The following BCO1 variants were observed in gnomAD, a reference collection of about 807,000 sequenced individuals.
BCO1 encodes beta-carotene oxygenase 1, also known as beta,beta-carotene 15,15'-dioxygenase.
A neutral mutation model predicts 56.3 loss-of-function variants in BCO1; 54 were observed. The ratio of observed to expected loss-of-function variants is 0.96; its 90% CI spans 0.77 to 1.20. The LOEUF is 1.20. Among genes scored for constraint, BCO1 ranks in the 50% most tolerant of loss-of-function variants. The probability of loss-of-function intolerance (pLI) is 0.00; values close to 1 mark genes in which losing one functional copy is unlikely to be tolerated. For synonymous variants in BCO1, 318 were observed against 266.1 expected, an observed-to-expected ratio of 1.20 and a Z score of -1.90; for missense variants, 801 against 690.9, an observed-to-expected ratio of 1.16 and a Z score of -1.79.
chr16:81,255,779 A>T (rs1906095207), intron 2 of BCO1, among the ~76,000 whole-genome samples: 1 of 151,098 alleles, frequency 6.6e-6, no homozygotes, highest in South Asian at 2.1e-4. Flanking sequence ...TGCTGGGATT[A>T]TAGGAGTGAG....
intron 9 of BCO1, among the ~76,000 whole-genome samples, chr16:81,286,383 C>G (rs1908181274): frequency 2.0e-5 from 3 of 152,160 alleles, no homozygotes; most frequent in Admixed American, 2.0e-4. Flanking sequence ...CCCCAAGCCA[C>G]TCTCCACTAA....
intron 10 of BCO1, 67 bp downstream of exon 10, chr16:81,287,473 C>A: frequency 7.9e-7 from 1 of 1,262,068 alleles, no homozygotes; most frequent in South Asian, 1.2e-5. Flanking sequence ...ACAGAGACAC[C>A]ATCTGGGGGC....
intron 2 of BCO1, among the ~76,000 whole-genome samples, chr16:81,258,273 C>T (rs554988237): frequency 3.2e-4 from 49 of 152,286 alleles, no homozygotes; most frequent in South Asian, 1.4e-3. Flanking sequence ...AAAACTAACA[C>T]GGGTCTAGAA....
chr16:81,241,955 T>G (rs1484309069), intron 1 of BCO1, among the ~76,000 whole-genome samples: 1 of 152,198 alleles, frequency 6.6e-6, no homozygotes, highest in East Asian at 1.9e-4. Flanking sequence ...GTTTGATGAA[T>G]GTAGCCTGGC....
intron 1 of BCO1, among the ~76,000 whole-genome samples, chr16:81,239,892 G>A (rs916866938): frequency 2.0e-5 from 3 of 152,138 alleles, no homozygotes; most frequent in Admixed American, 6.6e-5. Context: ...CGGGTCCCCA[G>A]AGTGGTGCTC....
At position 81,245,656 on chromosome 16, in the gene BCO1, C is replaced by G. The variant is rs1251875523; in HGVS notation, c.193+53C>G. 1.9e-6 allele frequency: 3 copies of G among 1,610,868 alleles called. No individual in the cohort carries two copies. The African/African-American group carries it at 4.0e-5, about 22-fold the overall frequency. On this transcript the variant is annotated intron_variant, in intron 2 of 10. Coordinates refer to ENST00000258168, the MANE Select transcript of BCO1 (RefSeq NM_017429.3). ...CTGCTGCAGCAAAGGACCCCAAATG[C>G]AGTGCCTTAAAACAGCACAAATTTA...
At chr16:81,242,601 C>G (rs1269973269) in intron 1 of BCO1, among the ~76,000 whole-genome samples, 1 of 152,130 alleles carries the variant, frequency 6.6e-6, no homozygotes. Flanking sequence ...TCATCCATTT[C>G]TCTCCATCCC....
intron 2 of BCO1, among the ~76,000 whole-genome samples, chr16:81,258,240 G>A (rs1254433370): frequency 6.6e-6 from 1 of 152,144 alleles, no homozygotes; most frequent in Non-Finnish European, 1.5e-5. Flanking sequence ...TAAGTGAGGG[G>A]TAAGTCGTTA....
At chr16:81,272,178 G>C (rs1294212068) in intron 7 of BCO1, among the ~76,000 whole-genome samples, 1 of 143,786 alleles carries the variant, frequency 7.0e-6, no homozygotes, top group East Asian at 2.1e-4. Context: ...CAGTGGCGCA[G>C]TCTCAGCTCA....
intron 2 of BCO1, among the ~76,000 whole-genome samples, chr16:81,257,302 TC>T (rs1342553822): frequency 6.6e-6 from 1 of 152,104 alleles, no homozygotes; most frequent in East Asian, 1.9e-4. Flanking sequence ...TCTCGCTCTG[TC>T]GTCCAGGCTA....
chr16:81,261,424 G>A (rs1470773906), intron 3 of BCO1, among the ~76,000 whole-genome samples: 1 of 152,124 alleles, frequency 6.6e-6, no homozygotes, highest in Non-Finnish European at 1.5e-5. Context: ...ATAAATTCGA[G>A]ATAACCAGTG....
rs376192346 is a variant in BCO1, at chr16:81,290,622, C to G, written c.*45C>G. 4 of 1,470,598 alleles carry G rather than the reference C, an allele frequency of 2.7e-6. No individual in the cohort carries two copies. The highest frequency in any genetic ancestry group is 3.8e-6 in the Non-Finnish European group (4 of 1,059,520). 91.1% of individuals were successfully genotyped at this position (1,470,598 alleles called of 1,614,324 possible). On this transcript the variant is annotated 3_prime_UTR_variant, in exon 11 of 11. Coordinates refer to ENST00000258168, the MANE Select transcript of BCO1 (RefSeq NM_017429.3). ...GGGGAGGGGAGCTCGGCTGTCAGAA[C>G]TCCATGGATATGTTTCTTTGGATGG...
Position 81,265,735 on chromosome 16 carries a change from C to A in BCO1, c.619+948C>A, listed in dbSNP as rs1419546031. On this transcript the variant is annotated intron_variant, in intron 5 of 10. Coordinates refer to ENST00000258168, the MANE Select transcript of BCO1 (RefSeq NM_017429.3). The stretch of plus-strand genomic sequence containing the variant: ...ACCCATCCACCCACCCACCATGAAT[C>A]CATTCATCCATCTACATGTTCTGCC... Among the ~76,000 whole-genome samples, 4 of 142,618 alleles carry A rather than the reference C, an allele frequency of 2.8e-5. No homozygotes were observed. The South Asian group carries it at 6.6e-4, about 23-fold the overall frequency. 93.6% of individuals were successfully genotyped at this position (142,618 alleles called of 152,430 possible). A position where few individuals can be genotyped will look rare whatever the true frequency, so the allele number is the denominator to read the frequency against.
chr16:81,262,180 A>G lies in BCO1; in HGVS notation c.368A>G (p.Asn123Ser). 6.2e-7 allele frequency: 1 copy of G among 1,614,004 alleles called. No homozygotes were observed. Among genetic ancestry groups the G allele is most frequent in the Non-Finnish European group, 8.5e-7 (1 of 1,179,950 alleles). ...LSHTIPDFTDNCLINIMKCGE... is the reference protein window; with the variant it reads ...LSHTIPDFTDSCLINIMKCGE... ...CACACCATCCCCGATTTCACCGACA[A>G]CTGCCTGATCAACATCATGAAGTGC... is the stretch of plus-strand genomic sequence containing the variant. Residue 123 changes from asparagine (N) to serine (S), a missense_variant, in exon 4 of 11, where the codon AAC becomes AGC. By Grantham distance (46) the Asn-to-Ser change is conservative. Coordinates refer to ENST00000258168, the MANE Select transcript of BCO1 (RefSeq NM_017429.3).
intron 2 of BCO1, 71 bp from the exon 3 acceptor site, chr16:81,259,605 C>T (rs1597356315): frequency 1.7e-5 from 27 of 1,603,544 alleles, no homozygotes; most frequent in Non-Finnish European, 2.2e-5. Context: ...AAAACCCATA[C>T]AAGGACTGAC....
intron 2 of BCO1, among the ~76,000 whole-genome samples, chr16:81,249,092 C>CTTTTTTTT (rs546566864): frequency 3.7e-5 from 5 of 133,460 alleles, no homozygotes; most frequent in African/African-American, 5.7e-5. Flanking sequence ...CTCTTTCTTT[C>CTTTTTTTT]TTTTTTTTTT....
chr16:81,281,884 G>A (rs976900493), intron 8 of BCO1, among the ~76,000 whole-genome samples: 1 of 152,244 alleles, frequency 6.6e-6, no homozygotes, highest in African/African-American at 2.4e-5. Flanking sequence ...CATCTCATGG[G>A]AGCACCATTG....
intron 4 of BCO1, among the ~76,000 whole-genome samples, chr16:81,264,255 C>A (rs1906671025): frequency 6.6e-6 from 1 of 152,178 alleles, no homozygotes; most frequent in African/African-American, 2.4e-5. Context: ...ACCTCTCTGC[C>A]CAGGTCATTG....
intron 1 of BCO1, among the ~76,000 whole-genome samples, chr16:81,240,434 G>A (rs765637590): frequency 1.3e-4 from 19 of 151,978 alleles, no homozygotes; most frequent in Admixed American, 8.5e-4. Context: ...GGCCAGGTGC[G>A]GTGGCTCACG....
Sources: gnomAD v4.1 joint callset for allele counts (sites outside exome capture counted in the v4.1 genomes callset) on GRCh38, gnomAD v4.1.1 for gene constraint, MANE v1.5 for transcripts, NCBI Gene and HGNC (gene_info 2026-07-23, HGNC 2026-07-21) for gene names.